Variants in CPNE4 observed in about 807,000 individuals in gnomAD.
CPNE4 encodes copine 4, also known as copine-4.
CPNE4 carries 25 observed loss-of-function variants against 67.9 expected under a neutral mutation model. The observed-to-expected ratio is 0.37, with a 90% CI of 0.27 to 0.51. CPNE4 has a LOEUF of 0.51. Ranked by LOEUF, CPNE4 falls within the 20% of genes least tolerant of loss-of-function variation. The pLI, the probability that CPNE4 is intolerant of heterozygous loss-of-function variation, is 0.93. For missense variants in CPNE4, 464 were observed against 690.8 expected (o/e 0.67, Z 3.68); for synonymous variants, 242 against 244.9 (o/e 0.99, Z 0.11).
In CPNE4 at chr3:131,825,197, A is replaced by T. The variant is rs183233284; in HGVS notation, c.180+80067T>A. Among the ~76,000 whole-genome samples the T allele has an allele frequency of 4.3e-4, 62 of 142,898 alleles. No individual in the cohort carries two copies. In the East Asian group the frequency reaches 0.012, roughly 28 times the overall value. 93.7% of individuals were successfully genotyped at this position (142,898 alleles called of 152,430 possible). A position where few individuals can be genotyped will look rare whatever the true frequency, so the allele number is the denominator to read the frequency against. ...TACAGTGAGCCTCAGAGCAGCAAATAAAAAAAGTGGTAATTTCTGGCCGGG... is the reference window on the plus strand; with the variant it reads ...TACAGTGAGCCTCAGAGCAGCAAATTAAAAAAGTGGTAATTTCTGGCCGGG... On this transcript the variant is annotated intron_variant, in intron 2 of 15. Coordinates refer to ENST00000429747, the MANE Select transcript of CPNE4 (RefSeq NM_130808.3).
chr3:131,687,523 A>G (rs1179072624), intron 5 of CPNE4, among the ~76,000 whole-genome samples: 2 of 152,236 alleles, frequency 1.3e-5, no homozygotes, highest in Non-Finnish European at 2.9e-5. Flanking sequence ...TCTAGACTTT[A>G]GCAAAGTAGA....
chr3:131,801,245 A>G (rs901824982), intron 2 of CPNE4, among the ~76,000 whole-genome samples: 2 of 151,072 alleles, frequency 1.3e-5, no homozygotes, highest in African/African-American at 4.9e-5. Context: ...TAAAAAGCTT[A>G]TGCTGCTTTC....
At chr3:131,839,966 G>T (rs2085709698) in intron 2 of CPNE4, among the ~76,000 whole-genome samples, 1 of 152,180 alleles carries the variant, frequency 6.6e-6, no homozygotes, top group Admixed American at 6.5e-5. Context: ...GGCAATGTCA[G>T]ATGGATGAAG....
chr3:132,007,185 G>A (rs1426035846), intron 1 of CPNE4, among the ~76,000 whole-genome samples: 3 of 152,144 alleles, frequency 2.0e-5, no homozygotes, highest in African/African-American at 7.2e-5. Context: ...AACAGGGCAA[G>A]GGTCTTACAG....
intron 9 of CPNE4, 118 bp downstream of exon 9, chr3:131,581,460 AT>A (rs1361581631): frequency 2.9e-6 from 2 of 695,012 alleles, no homozygotes; most frequent in East Asian, 2.7e-5. Context: ...TGACTTTTTA[AT>A]TTTTATTTTA....
intron 3 of CPNE4, among the ~76,000 whole-genome samples, chr3:131,702,088 A>G (rs902552984): frequency 1.3e-5 from 2 of 152,082 alleles, no homozygotes; most frequent in Non-Finnish European, 2.9e-5. Context: ...GAACTTCCCT[A>G]GGACAAGCAG....
chr3:131,648,586 C>G (rs1284385301), intron 7 of CPNE4, among the ~76,000 whole-genome samples: 2 of 151,976 alleles, frequency 1.3e-5, no homozygotes, highest in Non-Finnish European at 2.9e-5. Context: ...ACAGATGGTA[C>G]TTAAAAGATA....
intron 1 of CPNE4, among the ~76,000 whole-genome samples, chr3:132,027,117 A>T (rs2074130567): frequency 6.6e-6 from 1 of 152,212 alleles, no homozygotes; most frequent in Non-Finnish European, 1.5e-5. Flanking sequence ...AGCAACTACT[A>T]GGTACCTAGC....
At chr3:131,629,127 A>T (rs1419551257) in intron 7 of CPNE4, among the ~76,000 whole-genome samples, 1 of 152,176 alleles carries the variant, frequency 6.6e-6, no homozygotes, top group African/African-American at 2.4e-5. Context: ...TTCAAAGAAC[A>T]TCTTTATTTC....
chr3:131,914,024 T>A (rs964929077), intron 1 of CPNE4, among the ~76,000 whole-genome samples: 12 of 152,200 alleles, frequency 7.9e-5, no homozygotes, highest in African/African-American at 2.9e-4. Context: ...ATTCTTTTAA[T>A]TCTTATATAT....
chr3:131,986,692 C>T (rs1029828614), intron 1 of CPNE4, among the ~76,000 whole-genome samples: 3 of 151,906 alleles, frequency 2.0e-5, no homozygotes, highest in South Asian at 2.1e-4. Context: ...GTTAGAAGTT[C>T]GAGACCATCC....
At chr3:131,548,256 T>TGAAAAGTA (rs1224697291) in intron 14 of CPNE4, among the ~76,000 whole-genome samples, 1 of 152,126 alleles carries the variant, frequency 6.6e-6, no homozygotes, top group East Asian at 1.9e-4. Flanking sequence ...TATATATATA[T>TGAAAAGTA]GAAAAGTAGA....
chr3:131,840,324 T>C (rs181132835), intron 2 of CPNE4, among the ~76,000 whole-genome samples: 88 of 152,292 alleles, frequency 5.8e-4, no homozygotes, highest in Admixed American at 3.0e-3. Context: ...AACTAGTGAA[T>C]TGGAATCCAA....
intron 1 of CPNE4, among the ~76,000 whole-genome samples, chr3:132,001,603 G>GAAAGAAAGA (rs1478976058): frequency 6.7e-6 from 1 of 148,980 alleles, no homozygotes; most frequent in African/African-American, 2.5e-5. Context: ...AAGAAAGAAA[G>GAAAGAAAGA]AAAGAAAGAA....
intron 2 of CPNE4, among the ~76,000 whole-genome samples, chr3:131,732,552 C>T (rs2082152105): frequency 6.6e-6 from 1 of 152,174 alleles, no homozygotes; most frequent in African/African-American, 2.4e-5. Context: ...CCTAGCCGCC[C>T]TTCCTGCAAA....
At chr3:132,004,436 A>G (rs1228440045) in intron 1 of CPNE4, among the ~76,000 whole-genome samples, 1 of 152,188 alleles carries the variant, frequency 6.6e-6, no homozygotes, top group Non-Finnish European at 1.5e-5. Context: ...AGACAGAGAC[A>G]GAAAGATGCA....
chr3:131,825,353 G>T (rs2085114409), intron 2 of CPNE4, among the ~76,000 whole-genome samples: 1 of 152,014 alleles, frequency 6.6e-6, no homozygotes, highest in African/African-American at 2.4e-5. Context: ...AAAATTAGCT[G>T]GGTGTGGTGT....
At position 132,020,464 on chromosome 3, in the gene CPNE4, G is replaced by A. The variant is rs140661701; in HGVS notation, c.-2+14103C>T. 2.2e-4 allele frequency among the ~76,000 whole-genome samples: 33 copies of A among 152,298 alleles called. No homozygotes were observed. In the East Asian group the frequency reaches 3.9e-3, roughly 18 times the overall value. ...GTGGAGCTGAGCTGAGAGAAACTCC[G>A]GCTGTCTTCTCAGGAAAGGGGGACT... On this transcript the variant is annotated intron_variant, in intron 1 of 15. Coordinates refer to ENST00000429747, the MANE Select transcript of CPNE4 (RefSeq NM_130808.3).
At chr3:131,643,837 T>C (rs2079597146) in intron 7 of CPNE4, among the ~76,000 whole-genome samples, 2 of 152,142 alleles carry the variant, frequency 1.3e-5, no homozygotes, top group Admixed American at 1.3e-4. Context: ...GCACTTCTCC[T>C]TGCTGCCGCC....
Sources: gnomAD v4.1 joint callset for allele counts (sites outside exome capture counted in the v4.1 genomes callset) on GRCh38, gnomAD v4.1.1 for gene constraint, MANE v1.5 for transcripts, NCBI Gene and HGNC (gene_info 2026-07-23, HGNC 2026-07-21) for gene names.